The following SGCD variants were observed in gnomAD, a reference collection of about 807,000 sequenced individuals.
The protein encoded by SGCD is sarcoglycan delta.
A neutral mutation model predicts 36.6 loss-of-function variants in SGCD; 18 were observed. The observed-to-expected ratio is 0.49, with a 90% CI of 0.34 to 0.73. SGCD has a LOEUF of 0.73. Ranked by LOEUF, SGCD falls within the 30% of genes least tolerant of loss-of-function variation. The pLI is 0.01. For synonymous variants in SGCD, 133 were observed against 130.6 expected, an observed-to-expected ratio of 1.02 and a Z score of -0.12; for missense variants, 387 against 346.7, an observed-to-expected ratio of 1.12 and a Z score of -0.92.
chr5:156,203,631 G>T (rs978510817), intron 3 of SGCD, among the ~76,000 whole-genome samples: 1 of 152,098 alleles, frequency 6.6e-6, no homozygotes. Context: ...ATCTGTATTC[G>T]TGTCTGATTT....
At chr5:156,372,583 T>A (rs1200419172) in intron 3 of SGCD, among the ~76,000 whole-genome samples, 1 of 152,096 alleles carries the variant, frequency 6.6e-6, no homozygotes, top group Non-Finnish European at 1.5e-5. Context: ...GTAGATAACT[T>A]TGTATATATA....
intron 1 of SGCD, among the ~76,000 whole-genome samples, chr5:155,933,517 T>C (rs1026535992): frequency 6.6e-6 from 1 of 152,194 alleles, no homozygotes; most frequent in African/African-American, 2.4e-5. Context: ...TGGCAAAATA[T>C]AAATATTTAG....
rs914774173 is a variant in SGCD at position 156,338,161 on chromosome 5, G to A, written c.4-6328G>A. 4.8e-5 allele frequency among the ~76,000 whole-genome samples: 3 copies of A among 62,922 alleles called. No homozygotes were observed. In the South Asian group the frequency reaches 2.1e-3, roughly 45 times the overall value. 41.3% of individuals were successfully genotyped at this position (62,922 alleles called of 152,430 possible). On this transcript the variant is annotated intron_variant, in intron 2 of 8. Transcript: ENST00000337851. ...TTGATGTGTTTTTAGGAAGTTCACTGGGTTTTTTGTTTGTTTGTTTACAAA... is the reference window on the plus strand; with the variant it reads ...TTGATGTGTTTTTAGGAAGTTCACTAGGTTTTTTGTTTGTTTGTTTACAAA...
At chr5:155,886,880 G>T (rs1367425379) in intron 1 of SGCD, among the ~76,000 whole-genome samples, 2 of 152,186 alleles carry the variant, frequency 1.3e-5, no homozygotes, top group East Asian at 1.9e-4. Flanking sequence ...GGGCTGCCAA[G>T]TGAGCGCTGT....
chr5:155,995,729 G>T (rs1013055744), intron 1 of SGCD, among the ~76,000 whole-genome samples: 2 of 151,966 alleles, frequency 1.3e-5, no homozygotes, highest in Non-Finnish European at 2.9e-5. Context: ...TCCTATAAAT[G>T]TATTGAGTGA....
At chr5:156,073,032 C>G (rs1009477779) in intron 1 of SGCD, among the ~76,000 whole-genome samples, 1 of 152,150 alleles carries the variant, frequency 6.6e-6, no homozygotes, top group Non-Finnish European at 1.5e-5. Flanking sequence ...ATACATTCAT[C>G]TAAATTTTTT....
the SGCD span, among the ~76,000 whole-genome samples, chr5:155,815,609 A>C: frequency 6.6e-6 from 1 of 152,328 alleles, no homozygotes; most frequent in Admixed American, 6.5e-5. Context: ...GATCATCAGG[A>C]AACTTAAAAT....
chr5:155,830,349 C>CTTT, the SGCD span, among the ~76,000 whole-genome samples: 1 of 151,634 alleles, frequency 6.6e-6, no homozygotes, highest in Non-Finnish European at 1.5e-5. Flanking sequence ...GTGGTGTCTC[C>CTTT]TCTTCTTATA....
At chr5:156,483,196 C>T (rs1212246587) in intron 3 of SGCD, among the ~76,000 whole-genome samples, 1 of 152,114 alleles carries the variant, frequency 6.6e-6, no homozygotes, top group Non-Finnish European at 1.5e-5. Flanking sequence ...TTAGTGTGTT[C>T]AGAGGACCAG....
chr5:156,465,471 A>T (rs1754681807), intron 3 of SGCD, among the ~76,000 whole-genome samples: 1 of 152,174 alleles, frequency 6.6e-6, no homozygotes, highest in Non-Finnish European at 1.5e-5. Context: ...GAACATTGTA[A>T]ACTTGGCAAA....
At chr5:156,328,276 A>T (rs990681802) in intron 1 of SGCD, among the ~76,000 whole-genome samples, 1 of 152,258 alleles carries the variant, frequency 6.6e-6, no homozygotes, top group African/African-American at 2.4e-5. Flanking sequence ...TTCAGCCCAA[A>T]GCCGAGCTAA....
chr5:156,665,107 G>A (rs1306598886), intron 7 of SGCD, among the ~76,000 whole-genome samples: 1 of 151,982 alleles, frequency 6.6e-6, no homozygotes, highest in Non-Finnish European at 1.5e-5. Context: ...ACTTTCTGGG[G>A]GTGGCCGATA....
chr5:155,800,164 C>G, the SGCD span, among the ~76,000 whole-genome samples: 1 of 152,092 alleles, frequency 6.6e-6, no homozygotes, highest in African/African-American at 2.4e-5. Flanking sequence ...GCATAAATCT[C>G]CTTTACAGTT....
chr5:156,534,594 C>T (rs531387377), intron 4 of SGCD, among the ~76,000 whole-genome samples: 12 of 152,262 alleles, frequency 7.9e-5, no homozygotes, highest in African/African-American at 2.6e-4. Flanking sequence ...CATGGGAAGA[C>T]TTGCATCAAG....
chr5:155,976,743 G>A (rs537327461), intron 1 of SGCD, among the ~76,000 whole-genome samples: 17 of 152,148 alleles, frequency 1.1e-4, no homozygotes, highest in African/African-American at 2.9e-4. Context: ...GAAAGGCAAC[G>A]GGTGTGTCCA....
At chr5:156,245,186 G>A (rs1765410674) in intron 3 of SGCD, among the ~76,000 whole-genome samples, 2 of 152,066 alleles carry the variant, frequency 1.3e-5, no homozygotes, top group South Asian at 4.1e-4. Context: ...TTATTTTACG[G>A]TGCTTCCTCA....
intron 1 of SGCD, among the ~76,000 whole-genome samples, chr5:155,877,986 C>A (rs1755800259): frequency 6.6e-6 from 1 of 151,948 alleles, no homozygotes. Flanking sequence ...AGTAAAATTG[C>A]TGAAAGAACT....
At chr5:156,151,595 C>A (rs72807771) in intron 3 of SGCD, among the ~76,000 whole-genome samples, 2,401 of 151,552 alleles carry the variant, frequency 0.016, 38 homozygotes, top group Non-Finnish European at 0.024. Flanking sequence ...AAAAATCATT[C>A]TTCTTAGAGT....
chr5:155,892,510 G>A (rs1029779922), intron 1 of SGCD, among the ~76,000 whole-genome samples: 7 of 148,090 alleles, frequency 4.7e-5, no homozygotes, highest in Non-Finnish European at 8.9e-5. Context: ...ATAGGGAGTA[G>A]CAAGGAGGAC....
Sources: allele counts gnomAD v4.1 joint callset (sites outside exome capture counted in the v4.1 genomes callset), GRCh38; gene constraint gnomAD v4.1.1; transcripts MANE v1.5; gene names NCBI Gene and HGNC (gene_info 2026-07-23, HGNC 2026-07-21).